AGRN: variants seen among roughly 807,000 people sequenced by gnomAD.
The protein encoded by AGRN is agrin proteoglycan.
Under a neutral mutation model 211.0 loss-of-function variants are expected in AGRN, and 106 were observed. That is an observed-to-expected ratio of 0.50 (90% CI 0.43 to 0.59). The LOEUF (loss-of-function observed/expected upper bound fraction) is 0.59, where lower values mean the gene tolerates loss of function less well. Ranked by LOEUF, AGRN falls within the 20% of genes least tolerant of loss-of-function variation. The pLI is 0.00. For synonymous variants in AGRN, 1,525 were observed against 1,332.5 expected, an observed-to-expected ratio of 1.14 and a Z score of -3.15; for missense variants, 3,040 against 2,982.6, an observed-to-expected ratio of 1.02 and a Z score of -0.45.
rs1204068242 is a variant in AGRN at position 1,048,808 on chromosome 1, GA to G, written c.4106-58del. The G allele has an allele frequency of 6.9e-7, 1 of 1,448,120 alleles. No homozygotes were observed. The highest frequency in any genetic ancestry group is 1.5e-5 in the African/African-American group (1 of 67,508). 89.7% of individuals were successfully genotyped at this position (1,448,120 alleles called of 1,614,324 possible). On this transcript the variant is annotated intron_variant, in intron 23 of 35. Transcript: ENST00000379370. This position sits in a 1 kb window ranked among gnomAD's most constrained non-coding sequence, Gnocchi z 5.9. ...AAAAAAAGCAGGGGGCGGTTTCAGG[GA>G]TAAAAGTGGGGAATCCTCGGAGCTT...
At chr1:1,022,797 C>CGAA (rs1644437966) in intron 2 of AGRN, among the ~76,000 whole-genome samples, 1 of 152,264 alleles carries the variant, frequency 6.6e-6, no homozygotes, top group South Asian at 2.1e-4. Flanking sequence ...ATGTCCCCAG[C>CGAA]TGTTCAAGCC....
intron 3 of AGRN, among the ~76,000 whole-genome samples, chr1:1,036,667 C>T (rs974246539): frequency 3.3e-5 from 5 of 152,150 alleles, no homozygotes; most frequent in African/African-American, 1.2e-4. Context: ...TCTAGCCCTG[C>T]AACCTGTCTG....
chr1:1,053,465 G>A (rs748066540), intron 33 of AGRN: 30 of 1,478,902 alleles, frequency 2.0e-5, no homozygotes, highest in Middle Eastern at 1.8e-4. Flanking sequence ...TCTAAGCCCC[G>A]AAACTCTGGA....
chr1:1,047,270 G>A, intron 19 of AGRN, 57 bp from the exon 20 acceptor site: 1 of 1,548,012 alleles, frequency 6.5e-7, no homozygotes, highest in Non-Finnish European at 8.7e-7. Context: ...CCTGTGCCTG[G>A]GCCAGCCTGG....
intron 2 of AGRN, among the ~76,000 whole-genome samples, chr1:1,025,867 C>G (rs975355170): frequency 6.6e-6 from 1 of 152,164 alleles, no homozygotes; most frequent in Non-Finnish European, 1.5e-5. Context: ...GAAGGGCCCA[C>G]CTCTGTCCAT....
chr1:1,037,299 G>A (rs955788823), intron 3 of AGRN, among the ~76,000 whole-genome samples: 1 of 152,158 alleles, frequency 6.6e-6, no homozygotes, highest in Non-Finnish European at 1.5e-5. Flanking sequence ...CACCCAGAAG[G>A]CTGGGGAGTG....
intron 33 of AGRN, 197 bp from the exon 34 acceptor site, chr1:1,053,556 C>T: frequency 1.3e-6 from 2 of 1,523,018 alleles, no homozygotes; most frequent in Non-Finnish European, 8.8e-7. Context: ...CCGCCCGTCT[C>T]TCTGATCTCT....
intron 2 of AGRN, 108 bp from the exon 3 acceptor site, chr1:1,035,169 T>TGGGGGGGGGGGGGGGGGGG (rs56001364): frequency 1.1e-6 from 1 of 882,624 alleles, no homozygotes. Context: ...GGGCTAGCGG[T>TGGGGGGGGGGGGGGGGGGG]GGGGGGGGGG....
chr1:1,046,030 C>T lies in AGRN; in HGVS notation c.2747C>T (p.Ser916Phe), dbSNP rs1231838093. The T allele has an allele frequency of 6.2e-7, 1 of 1,613,946 alleles. No individual in the cohort carries two copies. The highest frequency in any genetic ancestry group is 8.5e-7 in the Non-Finnish European group (1 of 1,180,028). ...TTCGGTGCGCGGTGCGTGGAGGAGTCTGGCTCAGCCCACTGTGTCTGCCCG... is the reference window on the plus strand; with the variant it reads ...TTCGGTGCGCGGTGCGTGGAGGAGTTTGGCTCAGCCCACTGTGTCTGCCCG... ...CEFGARCVEESGSAHCVCPML... is the reference protein window; with the variant it reads ...CEFGARCVEEFGSAHCVCPML... The change falls in exon 16 of 36, where the codon TCT (serine) becomes TTT (phenylalanine). Residue 916 changes from serine (S) to phenylalanine (F), a missense_variant. Around this residue, in one of 3 missense-constraint regions of AGRN, gnomAD observed 1,498 missense variants for 1,457.8 expected, o/e 1.03. Coordinates refer to ENST00000379370, the MANE Select transcript of AGRN (RefSeq NM_198576.4).
chr1:1,053,243 CGTGTCTGCACGTGG>C (rs375199164), intron 33 of AGRN: 1 of 319,780 alleles, frequency 3.1e-6, no homozygotes, highest in Non-Finnish European at 5.7e-6. Flanking sequence ...TCAAGTGTCT[CGTGTCTGCACGTGG>C]GTGTCTGCAC....
At chr1:1,050,633 C>T (rs1645255336) in intron 29 of AGRN, 42 bp downstream of exon 29, 1 of 1,603,940 alleles carries the variant, frequency 6.2e-7, no homozygotes, top group Non-Finnish European at 8.5e-7. Context: ...GGGGCACTGG[C>T]CCGGGGCCGG....
At chr1:1,049,197 G>A (rs1393130505) in intron 24 of AGRN, 39 bp from the exon 25 acceptor site, 1 of 1,502,582 alleles carries the variant, frequency 6.7e-7, no homozygotes, top group African/African-American at 1.4e-5. Flanking sequence ...GTGGGGACGG[G>A]GCCGGGCGAT....
chr1:1,043,800 C>G (rs200297377), intron 9 of AGRN, 23 bp from the exon 10 acceptor site: 1 of 1,609,062 alleles, frequency 6.2e-7, no homozygotes, highest in East Asian at 2.2e-5. Context: ...CTGCCGACCC[C>G]TGCCTGGCTC....
rs1232866584 is a variant in AGRN, at chr1:1,047,849, G to C, written c.3705G>C (p.Leu1235Phe). 4 of 1,606,098 alleles carry C rather than the reference G, an allele frequency of 2.5e-6. No homozygotes were observed. The highest frequency in any genetic ancestry group is 2.5e-6 in the Non-Finnish European group (3 of 1,177,114). The change falls in exon 22 of 36, where the codon TTG (leucine) becomes TTC (phenylalanine). Residue 1235 changes from leucine (L) to phenylalanine (F), a missense_variant. Coordinates refer to ENST00000379370, the MANE Select transcript of AGRN (RefSeq NM_198576.4). ...RQIQVSRRRS[L>F]GVRRPLQEHV... Reference sequence around the variant, plus strand: ...TCCAGGTGTCCAGGCGCCGGTCCTTGGGGGTGAGGCGGCCGCTGCAGGAGC... The same window carrying C: ...TCCAGGTGTCCAGGCGCCGGTCCTTCGGGGTGAGGCGGCCGCTGCAGGAGC...
chr1:1,050,949 G>T, intron 30 of AGRN, 112 bp downstream of exon 30: 1 of 1,546,052 alleles, frequency 6.5e-7, no homozygotes. Flanking sequence ...CTGTTCTCTT[G>T]GCCGCCTGCC....
chr1:1,026,273 G>A (rs1172655099), intron 2 of AGRN, among the ~76,000 whole-genome samples: 1 of 152,140 alleles, frequency 6.6e-6, no homozygotes, highest in East Asian at 1.9e-4. Flanking sequence ...GGTGGTGGTG[G>A]GGATGGCACC....
At chr1:1,051,692 C>T (rs371772317) in intron 32 of AGRN, 36 bp from the exon 33 acceptor site, 37 of 1,613,026 alleles carry the variant, frequency 2.3e-5, no homozygotes, top group South Asian at 3.3e-5. Context: ...GGGCCCGGAG[C>T]CCACGAGGCC....
chr1:1,041,649 C>T lies in AGRN; in HGVS notation c.1124C>T (p.Ala375Val), dbSNP rs1197540536. The change falls in exon 6 of 36, where the codon GCC (alanine) becomes GTC (valine). Residue 375 changes from alanine to valine, a missense_variant. Coordinates refer to ENST00000379370, the MANE Select transcript of AGRN (RefSeq NM_198576.4). ...GACTGTGTCATGGGCCGATCGGGGG[C>T]CGCCCGGGGTCTCCTCCTGCAGAAA... ...ENDCVMGRSG[A>V]ARGLLLQKVR... The T allele has an allele frequency of 1.2e-6, 2 of 1,611,140 alleles. No homozygotes were observed. Among genetic ancestry groups the T allele is most frequent in the South Asian group, 2.2e-5 (2 of 90,994 alleles).
rs1230399331 is a variant in AGRN, at chr1:1,043,998, G to A, written c.1974G>A (p.Glu658=). ...GCCTCCAGCAGACACAGATCGAGGA[G>A]GCCCGGGCAGGGCCGTGCGAGCAGG... The part of the protein sequence containing the change: ...AACLQQTQIE[E]ARAGPCEQAE... The change falls in exon 10 of 36, where the codon GAG becomes GAA. Residue 658 remains glutamate, a synonymous_variant. Coordinates refer to ENST00000379370, the MANE Select transcript of AGRN (RefSeq NM_198576.4). 1 of 1,607,420 alleles carries A rather than the reference G, an allele frequency of 6.2e-7. No homozygotes were observed. Among genetic ancestry groups the A allele is most frequent in the Non-Finnish European group, 8.5e-7 (1 of 1,179,048 alleles).
Sources: allele counts gnomAD v4.1 joint callset (sites outside exome capture counted in the v4.1 genomes callset), GRCh38; gene constraint gnomAD v4.1.1; regional missense constraint gnomAD v4.1.1; non-coding constraint Gnocchi (gnomAD v3.1); transcripts MANE v1.5; gene names NCBI Gene and HGNC (gene_info 2026-07-23, HGNC 2026-07-21).